Variants in ANKS1B observed in about 807,000 individuals in gnomAD.
ANKS1B encodes the protein ankyrin repeat and sterile alpha motif domain-containing protein 1B.
In ANKS1B, 36 loss-of-function variants were observed where a neutral mutation model predicts 148.3. That is an observed-to-expected ratio of 0.24 (90% CI 0.19 to 0.32). ANKS1B has a LOEUF of 0.32. Ranked by LOEUF, ANKS1B falls within the 10% of genes least tolerant of loss-of-function variation. The pLI is 1.00. For synonymous variants in ANKS1B, 542 were observed against 560.8 expected (o/e 0.97, Z 0.47); for missense variants, 1,157 against 1,542.6 (o/e 0.75, Z 4.19).
chr12:98,940,447 T>C (rs2099834903), intron 17 of ANKS1B, among the ~76,000 whole-genome samples: 1 of 152,186 alleles, frequency 6.6e-6, no homozygotes, highest in African/African-American at 2.4e-5. Context: ...TGCATTTCAG[T>C]CCTGAATTCT....
chr12:98,776,377 A>G (rs1275912029), intron 24 of ANKS1B, among the ~76,000 whole-genome samples: 3 of 152,238 alleles, frequency 2.0e-5, no homozygotes, highest in African/African-American at 7.2e-5. Context: ...ATCAGTCTCC[A>G]TTTCTAAGCA....
At chr12:98,861,860 T>TC (rs949914196) in intron 17 of ANKS1B, among the ~76,000 whole-genome samples, 8 of 152,332 alleles carry the variant, frequency 5.3e-5, no homozygotes, top group Admixed American at 1.3e-4. Flanking sequence ...TGCTGCTTTT[T>TC]CCCACCACAA....
At chr12:99,089,789 T>C (rs1433680124) in intron 15 of ANKS1B, among the ~76,000 whole-genome samples, 3 of 152,218 alleles carry the variant, frequency 2.0e-5, no homozygotes, top group Non-Finnish European at 4.4e-5. Flanking sequence ...TATAAATCTA[T>C]GCTATGAAAA....
rs555732800 is a variant in ANKS1B at position 99,166,649 on chromosome 12, T to C, written c.2420-12254A>G. The stretch of plus-strand genomic sequence containing the variant: ...TGGAAAGATATACTATGTTAATGAA[T>C]TGGCACAGTCAACATTGTTAACATA... On this transcript the variant is annotated intron_variant, in intron 14 of 26. Transcript: ENST00000683438. Among the ~76,000 whole-genome samples, 5 of 152,166 alleles carry C rather than the reference T, an allele frequency of 3.3e-5. No individual in the cohort carries two copies. In the South Asian group the frequency reaches 1.0e-3, roughly 32 times the overall value.
In ANKS1B at chr12:99,156,856, T is replaced by A. The variant is rs1255773069; in HGVS notation, c.2420-2461A>T. 2.6e-5 allele frequency among the ~76,000 whole-genome samples: 4 copies of A among 152,230 alleles called. No individual in the cohort carries two copies. In the East Asian group the frequency reaches 7.7e-4, roughly 29 times the overall value. On this transcript the variant is annotated intron_variant, in intron 14 of 26. Coordinates refer to ENST00000683438, the MANE Select transcript of ANKS1B (RefSeq NM_001352186.2). ...AATATTTCACATAGTAAAGATTCAG[T>A]ACATACCTGCTAAACAAAATAATGT... is the stretch of plus-strand genomic sequence containing the variant.
chr12:99,603,949 T>C (rs1470255091), intron 9 of ANKS1B, among the ~76,000 whole-genome samples: 1 of 152,142 alleles, frequency 6.6e-6, no homozygotes, highest in East Asian at 1.9e-4. Flanking sequence ...CCTAGTCCAA[T>C]GATATGATCC....
At position 99,984,269 on chromosome 12, in the gene ANKS1B, GC is replaced by G. The variant is rs1054658168; in HGVS notation, c.-33del. ...TCACCGACTCCCCCACAGAGTCCTTGCCCCCCTCGGGTCCTCCTCCCCACCC... is the reference window on the plus strand; with the variant it reads ...TCACCGACTCCCCCACAGAGTCCTTGCCCCCTCGGGTCCTCCTCCCCACCC... On this transcript the variant is annotated 5_prime_UTR_variant, in exon 1 of 27. Transcript: ENST00000683438. 5.0e-6 allele frequency: 8 copies of G among 1,585,632 alleles called. No homozygotes were observed. The highest frequency in any genetic ancestry group is 2.7e-5 in the African/African-American group (2 of 74,012).
At chr12:99,256,539 T>C (rs2153978113) in intron 12 of ANKS1B, among the ~76,000 whole-genome samples, 1 of 152,334 alleles carries the variant, frequency 6.6e-6, no homozygotes, top group East Asian at 1.9e-4. Flanking sequence ...AGTTATTCTT[T>C]AGAATTTCCT....
intron 1 of ANKS1B, among the ~76,000 whole-genome samples, chr12:99,910,277 C>T (rs1208340853): frequency 1.4e-5 from 2 of 141,426 alleles, no homozygotes; most frequent in African/African-American, 2.7e-5. Flanking sequence ...ACTGCTTGAA[C>T]CAGGGAGGCG....
chr12:99,979,074 G>T lies in ANKS1B; in HGVS notation c.134+5030C>A, dbSNP rs73382078. ...AGGTAGTTGTGCCAAAGGAAGAGAG[G>T]TTTTTTTTTAAGATTTTGCAGCTGT... is the stretch of plus-strand genomic sequence containing the variant. On this transcript the variant is annotated intron_variant, in intron 1 of 26. Transcript: ENST00000683438. Among the ~76,000 whole-genome samples, 437 of 151,154 alleles carry T rather than the reference G, an allele frequency of 2.9e-3. 1 individual carries two copies. Among genetic ancestry groups the T allele is most frequent in the African/African-American group, 0.01 (418 of 41,246 alleles).
chr12:99,253,716 C>T (rs765928871), intron 12 of ANKS1B, among the ~76,000 whole-genome samples: 23 of 152,020 alleles, frequency 1.5e-4, no homozygotes, highest in Non-Finnish European at 2.9e-4. Flanking sequence ...AAATTGCCTC[C>T]CCACAAAATA....
intron 16 of ANKS1B, among the ~76,000 whole-genome samples, chr12:99,059,362 A>C (rs1231771915): frequency 6.6e-6 from 1 of 152,230 alleles, no homozygotes; most frequent in East Asian, 1.9e-4. Flanking sequence ...GAATACATGA[A>C]GACAAAATGA....
At chr12:99,432,481 A>T (rs2095392402) in intron 11 of ANKS1B, among the ~76,000 whole-genome samples, 2 of 152,182 alleles carry the variant, frequency 1.3e-5, no homozygotes, top group African/African-American at 4.8e-5. Flanking sequence ...GGAGGAAAAG[A>T]GAGGGATGGA....
intron 10 of ANKS1B, among the ~76,000 whole-genome samples, chr12:99,465,183 A>T (rs896518673): frequency 2.0e-5 from 3 of 152,202 alleles, no homozygotes; most frequent in African/African-American, 7.2e-5. Flanking sequence ...TTTCATATCC[A>T]GCCAAACTAA....
At chr12:99,108,512 A>C (rs1432700011) in intron 15 of ANKS1B, among the ~76,000 whole-genome samples, 3 of 152,256 alleles carry the variant, frequency 2.0e-5, no homozygotes, top group African/African-American at 7.2e-5. Flanking sequence ...AACATTCAGC[A>C]ATCATAGTCA....
In ANKS1B at chr12:99,316,479, G is replaced by C. The variant is rs536106888; in HGVS notation, c.1757-69615C>G. ...GGGCATAAATGCTTTCTTTTGAGAA[G>C]TGTCTGTTCATATCCTTTGACCACT... On this transcript the variant is annotated intron_variant, in intron 12 of 26. Coordinates refer to ENST00000683438, the MANE Select transcript of ANKS1B (RefSeq NM_001352186.2). Among the ~76,000 whole-genome samples the C allele has an allele frequency of 2.6e-5, 4 of 152,304 alleles. No homozygotes were observed. In the East Asian group the frequency reaches 7.7e-4, roughly 29 times the overall value.
At chr12:99,071,786 T>G (rs2046363472) in intron 16 of ANKS1B, among the ~76,000 whole-genome samples, 1 of 151,986 alleles carries the variant, frequency 6.6e-6, no homozygotes, top group Non-Finnish European at 1.5e-5. Context: ...TAGCTGAAAC[T>G]AAGGTGCGCG....
chr12:99,084,823 A>G, intron 16 of ANKS1B, 102 bp downstream of exon 16: 3 of 834,654 alleles, frequency 3.6e-6, no homozygotes, highest in East Asian at 2.8e-5. Flanking sequence ...GGTTGCATCA[A>G]TATGTAGAAC....
intron 9 of ANKS1B, among the ~76,000 whole-genome samples, chr12:99,565,960 G>A (rs1183547530): frequency 6.6e-6 from 1 of 152,124 alleles, no homozygotes; most frequent in Non-Finnish European, 1.5e-5. Flanking sequence ...TCAGGTTTGT[G>A]TGAAAAAATC....
Sources: allele counts gnomAD v4.1 joint callset (sites outside exome capture counted in the v4.1 genomes callset), GRCh38; gene constraint gnomAD v4.1.1; transcripts MANE v1.5; gene names NCBI Gene and HGNC (gene_info 2026-07-23, HGNC 2026-07-21).